PDZRN4: variants seen among roughly 807,000 people sequenced by gnomAD.
PDZRN4 encodes the protein PDZ domain-containing RING finger protein 4.
PDZRN4 carries 70 observed loss-of-function variants against 99.0 expected under a neutral mutation model. The observed-to-expected ratio is 0.71, with a 90% CI of 0.58 to 0.86. The LOEUF (loss-of-function observed/expected upper bound fraction) is 0.86. Among genes scored for constraint, PDZRN4 ranks in the 40% least tolerant of loss-of-function variants. PDZRN4 has a pLI of 0.00. For synonymous variants in PDZRN4, 551 were observed against 501.6 expected (o/e 1.10, Z -1.32); for missense variants, 1,474 against 1,331.2 (o/e 1.11, Z -1.67).
chr12:41,352,155 G>T (rs1036903305), intron 3 of PDZRN4, among the ~76,000 whole-genome samples: 1 of 151,950 alleles, frequency 6.6e-6, no homozygotes, highest in Non-Finnish European at 1.5e-5. Flanking sequence ...CACTGGATTT[G>T]GCAAATGAAA....
chr12:41,336,762 T>C (rs1259512222), intron 3 of PDZRN4, among the ~76,000 whole-genome samples: 2 of 151,974 alleles, frequency 1.3e-5, no homozygotes, highest in Non-Finnish European at 2.9e-5. Context: ...ATTGGTCAGG[T>C]TGAAGATGGA....
At chr12:41,305,160 G>A (rs944096465) in intron 3 of PDZRN4, among the ~76,000 whole-genome samples, 8 of 152,096 alleles carry the variant, frequency 5.3e-5, no homozygotes, top group Admixed American at 5.2e-4. Context: ...AATCATTCGG[G>A]TGTTTTGCTT....
intron 3 of PDZRN4, among the ~76,000 whole-genome samples, chr12:41,285,954 A>G (rs1057043853): frequency 6.6e-5 from 10 of 152,170 alleles, no homozygotes; most frequent in African/African-American, 2.4e-4. Flanking sequence ...TACCTACATA[A>G]CAAACGTGCA....
chr12:41,346,663 C>A (rs1360056098), intron 3 of PDZRN4, among the ~76,000 whole-genome samples: 1 of 151,862 alleles, frequency 6.6e-6, no homozygotes, highest in African/African-American at 2.4e-5. Flanking sequence ...ACAATCTAAC[C>A]AAAAGCTTGA....
rs558674601 is a variant in PDZRN4 at position 41,489,993 on chromosome 12, T to G, written c.844-16463T>G. Among the ~76,000 whole-genome samples, 4 of 151,530 alleles carry G rather than the reference T, an allele frequency of 2.6e-5. No individual in the cohort carries two copies. The South Asian group carries it at 8.3e-4, about 31-fold the overall frequency. On this transcript the variant is annotated intron_variant, in intron 3 of 9. Coordinates refer to ENST00000402685, the MANE Select transcript of PDZRN4 (RefSeq NM_001164595.2). The stretch of plus-strand genomic sequence containing the variant: ...TCCTATATACTGTACAGTGATTAAT[T>G]AACTGATCTGGGCATTAAAAGTCAA...
chr12:41,363,308 A>G (rs1485198928), intron 3 of PDZRN4, among the ~76,000 whole-genome samples: 2 of 152,098 alleles, frequency 1.3e-5, no homozygotes, highest in East Asian at 3.9e-4. Context: ...TCAAATGTGC[A>G]TTTTTATCTT....
intron 8 of PDZRN4, among the ~76,000 whole-genome samples, chr12:41,564,012 A>G (rs569832905): frequency 1.6e-4 from 24 of 152,310 alleles, no homozygotes; most frequent in African/African-American, 5.5e-4. Flanking sequence ...ACTTACTTAA[A>G]TAAATACTCA....
chr12:41,460,977 C>T (rs1433912526), intron 3 of PDZRN4, among the ~76,000 whole-genome samples: 2 of 152,176 alleles, frequency 1.3e-5, no homozygotes, highest in East Asian at 3.9e-4. Flanking sequence ...TTTTCTACTG[C>T]TGTGGCTGTC....
chr12:41,397,548 C>T (rs776801934), intron 3 of PDZRN4, among the ~76,000 whole-genome samples: 12 of 152,218 alleles, frequency 7.9e-5, no homozygotes, highest in African/African-American at 1.2e-4. Context: ...ATTAGAGTTT[C>T]GTCTAATAGG....
chr12:41,229,674 C>G (rs1175594570), intron 3 of PDZRN4, among the ~76,000 whole-genome samples: 1 of 151,986 alleles, frequency 6.6e-6, no homozygotes, highest in Non-Finnish European at 1.5e-5. Context: ...ATATGGTGCC[C>G]TTGGATTTTT....
At chr12:41,348,605 G>T (rs537303122) in intron 3 of PDZRN4, among the ~76,000 whole-genome samples, 50 of 152,146 alleles carry the variant, frequency 3.3e-4, no homozygotes, top group African/African-American at 1.2e-3. Context: ...CTCAACCCTT[G>T]AATACATGTC....
intron 3 of PDZRN4, among the ~76,000 whole-genome samples, chr12:41,213,878 A>T (rs1210965481): frequency 6.6e-6 from 1 of 152,060 alleles, no homozygotes; most frequent in African/African-American, 2.4e-5. Context: ...CTTCTAGTAT[A>T]GAAGAGTCAC....
In PDZRN4 at chr12:41,569,160, C is replaced by T. The variant is rs145652759; in HGVS notation, c.1584+1261C>T. On this transcript the variant is annotated intron_variant, in intron 9 of 9. Coordinates refer to ENST00000402685, the MANE Select transcript of PDZRN4 (RefSeq NM_001164595.2). ...TTTAAGATAGAGTCTCACTCTGTCG[C>T]CCAGGCTGGAGTGCAGTGACACAAT... Among the ~76,000 whole-genome samples the T allele has an allele frequency of 1.6e-3, 243 of 151,664 alleles. 2 individuals are homozygous for T. Among genetic ancestry groups the T allele is most frequent in the African/African-American group, 5.7e-3 (235 of 41,336 alleles).
At chr12:41,489,617 T>C (rs1937844827) in intron 3 of PDZRN4, among the ~76,000 whole-genome samples, 2 of 152,052 alleles carry the variant, frequency 1.3e-5, no homozygotes, top group Non-Finnish European at 2.9e-5. Context: ...AAATTTATTA[T>C]TTTATTTTGA....
At chr12:41,332,089 T>C (rs959902974) in intron 3 of PDZRN4, among the ~76,000 whole-genome samples, 1 of 152,124 alleles carries the variant, frequency 6.6e-6, no homozygotes, top group Non-Finnish European at 1.5e-5. Flanking sequence ...TTCTGGTTAG[T>C]ATTGAGACCC....
intron 3 of PDZRN4, among the ~76,000 whole-genome samples, chr12:41,393,558 C>A (rs910098797): frequency 6.6e-6 from 1 of 151,932 alleles, no homozygotes; most frequent in Non-Finnish European, 1.5e-5. Context: ...GTAAAGAATG[C>A]TTTTCCTAGA....
intron 3 of PDZRN4, among the ~76,000 whole-genome samples, chr12:41,336,743 G>A (rs1292762119): frequency 6.6e-6 from 1 of 152,008 alleles, no homozygotes; most frequent in Admixed American, 6.6e-5. Flanking sequence ...TGGGAAGTGG[G>A]GAGTGTTGAT....
At chr12:41,267,144 G>A (rs1951283258) in intron 3 of PDZRN4, among the ~76,000 whole-genome samples, 1 of 152,086 alleles carries the variant, frequency 6.6e-6, no homozygotes, top group South Asian at 2.1e-4. Context: ...CCAGACTTTG[G>A]CTATCATCTT....
At chr12:41,221,019 G>C (rs1159577035) in intron 3 of PDZRN4, among the ~76,000 whole-genome samples, 2 of 152,142 alleles carry the variant, frequency 1.3e-5, no homozygotes, top group African/African-American at 4.8e-5. Context: ...TCTAGGCAAA[G>C]GAATACAAAT....
Sources: gnomAD v4.1 joint callset for allele counts (sites outside exome capture counted in the v4.1 genomes callset) on GRCh38, gnomAD v4.1.1 for gene constraint, MANE v1.5 for transcripts, NCBI Gene and HGNC (gene_info 2026-07-23, HGNC 2026-07-21) for gene names.